The following MPDZ variants were observed in gnomAD, a reference collection of about 807,000 sequenced individuals.
The protein encoded by MPDZ is multiple PDZ domain crumbs cell polarity complex component.
MPDZ carries 234 observed loss-of-function variants against 239.1 expected under a neutral mutation model. The ratio of observed to expected loss-of-function variants is 0.98; its 90% CI spans 0.88 to 1.09. The LOEUF (loss-of-function observed/expected upper bound fraction) is 1.09, where lower values mean the gene tolerates loss of function less well. Among genes scored for constraint, MPDZ ranks in the 50% least tolerant of loss-of-function variants. The probability of loss-of-function intolerance (pLI) is 0.00; values close to 1 mark genes in which losing one functional copy is unlikely to be tolerated. For missense variants in MPDZ, 3,175 were observed against 2,510.0 expected (o/e 1.26, Z -5.66); for synonymous variants, 1,048 against 881.3 (o/e 1.19, Z -3.35).
At chr9:13,212,343 G>A (rs1323915548) in intron 10 of MPDZ, among the ~76,000 whole-genome samples, 1 of 151,948 alleles carries the variant, frequency 6.6e-6, no homozygotes, top group African/African-American at 2.4e-5. Flanking sequence ...ACCTTCATCT[G>A]TATTATGGAA....
At chr9:13,240,535 A>G (rs2137292289) in intron 3 of MPDZ, among the ~76,000 whole-genome samples, 1 of 149,548 alleles carries the variant, frequency 6.7e-6, no homozygotes, top group Non-Finnish European at 1.5e-5. Flanking sequence ...TTTGTTCATT[A>G]ACACAGAGAA....
chr9:13,112,775 G>T (rs1942708758), intron 42 of MPDZ, among the ~76,000 whole-genome samples: 1 of 152,060 alleles, frequency 6.6e-6, no homozygotes, highest in Non-Finnish European at 1.5e-5. Flanking sequence ...TTTTGTGTGG[G>T]GTCAATTTTA....
intron 27 of MPDZ, among the ~76,000 whole-genome samples, chr9:13,141,597 T>C (rs550942235): frequency 1.2e-3 from 179 of 152,318 alleles, no homozygotes; most frequent in Non-Finnish European, 2.2e-3. Flanking sequence ...AAAAATATTA[T>C]GATTTTTTTT....
chr9:13,164,797 A>G (rs1181744016), intron 22 of MPDZ, among the ~76,000 whole-genome samples: 1 of 152,198 alleles, frequency 6.6e-6, no homozygotes, highest in Non-Finnish European at 1.5e-5. Flanking sequence ...TGAGGCCACC[A>G]GAACAAGCAT....
At position 13,193,314 on chromosome 9, in the gene MPDZ, CT is replaced by C; in HGVS notation, c.1657-2del. The C allele has an allele frequency of 6.4e-7, 1 of 1,573,586 alleles. No individual in the cohort carries two copies. Among genetic ancestry groups the C allele is most frequent in the Admixed American group, 1.9e-5 (1 of 52,456 alleles). On this transcript the variant is annotated splice_acceptor_variant, in intron 13 of 46. Coordinates refer to ENST00000319217, the MANE Select transcript of MPDZ (RefSeq NM_001378778.1). LOFTEE classifies it high-confidence loss of function. The stretch of plus-strand genomic sequence containing the variant: ...CACTAAACTTGCTCACATGGGCCAC[CT>C]GAAAAGAAAAAAAAAAAGATCACCA...
intron 45 of MPDZ, among the ~76,000 whole-genome samples, chr9:13,109,573 G>T (rs1363732912): frequency 6.6e-6 from 1 of 152,050 alleles, no homozygotes; most frequent in Non-Finnish European, 1.5e-5. Context: ...AATTTTTTCA[G>T]TCCAAATGAT....
In MPDZ at chr9:13,179,989, G is replaced by A. The variant is rs112924258; in HGVS notation, c.2649+3429C>T. Among the ~76,000 whole-genome samples, 681 of 152,156 alleles carry A rather than the reference G, an allele frequency of 4.5e-3. 3 individuals carry two copies. Among genetic ancestry groups the A allele is most frequent in the African/African-American group, 0.016 (657 of 41,522 alleles). On this transcript the variant is annotated intron_variant, in intron 19 of 46. Coordinates refer to ENST00000319217, the MANE Select transcript of MPDZ (RefSeq NM_001378778.1). ...ACTGTCCTTCTCCCACTCTTTCTGA[G>A]ATAAGGTACACTTCCTTTATTGTTT...
chr9:13,160,088 G>A (rs554329485), intron 23 of MPDZ, among the ~76,000 whole-genome samples: 2 of 152,290 alleles, frequency 1.3e-5, no homozygotes, highest in Admixed American at 1.3e-4. Context: ...CAGCATAGGT[G>A]AGATTTGGAT....
At chr9:13,251,128 C>CAAAAAA (rs150252589) in intron 1 of MPDZ, among the ~76,000 whole-genome samples, 15 of 36,252 alleles carry the variant, frequency 4.1e-4, no homozygotes, top group Admixed American at 1.1e-3. Flanking sequence ...GACTCCATCT[C>CAAAAAA]AAAAAAAAAA....
intron 31 of MPDZ, 153 bp downstream of exon 31, chr9:13,135,939 C>G: frequency 1.9e-6 from 1 of 537,018 alleles, no homozygotes; most frequent in African/African-American, 1.9e-5. Flanking sequence ...CCATGAGTGT[C>G]TTCTTATACT....
intron 6 of MPDZ, among the ~76,000 whole-genome samples, chr9:13,221,949 G>C (rs1006380705): frequency 2.0e-5 from 3 of 152,020 alleles, no homozygotes; most frequent in Admixed American, 6.6e-5. Flanking sequence ...AATCAAGCTT[G>C]TATCTGTCTA....
At chr9:13,144,231 A>G (rs1948137675) in intron 26 of MPDZ, among the ~76,000 whole-genome samples, 1 of 152,002 alleles carries the variant, frequency 6.6e-6, no homozygotes, top group South Asian at 2.1e-4. Context: ...TAAATTTCCT[A>G]TAAAATTGCC....
chr9:13,146,498 C>T lies in MPDZ; in HGVS notation c.3741+1050G>A, dbSNP rs111843221. 5.1e-3 allele frequency among the ~76,000 whole-genome samples: 769 copies of T among 152,062 alleles called. 10 individuals carry two copies. The highest frequency in any genetic ancestry group is 0.017 in the African/African-American group (719 of 41,500). On this transcript the variant is annotated intron_variant, in intron 26 of 46. Transcript: ENST00000319217. ...AAAATTAAATATTTTAAGTTTTAGA[C>T]GATGCGTTCAACTTCCCTCACATAT...
chr9:13,176,360 G>C lies in MPDZ; in HGVS notation c.2707C>G (p.Leu903Val). ...CTTTGCAGGAGATTCTGGGTATATA[G>C]TTCCTCCAGAGACATATGCAGATCA... ...VLDLHMSLEE[L>V]YTQNLLQRQD... Residue 903 changes from leucine to valine, a missense_variant, in exon 20 of 47, where the codon CTA becomes GTA. By Grantham distance (32) the Leu-to-Val change is conservative (BLOSUM62 1). Coordinates refer to ENST00000319217, the MANE Select transcript of MPDZ (RefSeq NM_001378778.1). 1 of 1,606,212 alleles carries C rather than the reference G, an allele frequency of 6.2e-7. No homozygotes were observed. The highest frequency in any genetic ancestry group is 8.5e-7 in the Non-Finnish European group (1 of 1,175,884).
chr9:13,188,355 T>C (rs528443972), intron 17 of MPDZ, among the ~76,000 whole-genome samples: 1 of 152,114 alleles, frequency 6.6e-6, no homozygotes, highest in Non-Finnish European at 1.5e-5. Context: ...CCGTCTCCAC[T>C]AAAAATACAA....
chr9:13,174,407 G>C (rs1952192748), intron 21 of MPDZ, among the ~76,000 whole-genome samples: 1 of 152,120 alleles, frequency 6.6e-6, no homozygotes, highest in South Asian at 2.1e-4. Flanking sequence ...TCTCAGATAG[G>C]CTTTGCAAAA....
intron 1 of MPDZ, among the ~76,000 whole-genome samples, chr9:13,274,014 C>T (rs1973604439): frequency 1.3e-5 from 2 of 152,190 alleles, no homozygotes; most frequent in Non-Finnish European, 2.9e-5. Flanking sequence ...TCAACAGCTG[C>T]TCTATCCATT....
At position 13,112,027 on chromosome 9, in the gene MPDZ, G is replaced by A; in HGVS notation, c.5721C>T (p.Leu1907=). The change falls in exon 43 of 47, where the codon CTC becomes CTT. Residue 1907 remains leucine (L), a synonymous_variant. Transcript: ENST00000319217. ...PTGVAAQTQK[L]RVGDRIVTIC... The stretch of plus-strand genomic sequence containing the variant: ...TAGGGTTGATAGTACGACTCACTCT[G>A]AGTTTTTGGGTCTGTGCTGCAACTC... The A allele has an allele frequency of 6.2e-7, 1 of 1,613,334 alleles. No individual in the cohort carries two copies. The highest frequency in any genetic ancestry group is 8.5e-7 in the Non-Finnish European group (1 of 1,179,432).
At chr9:13,149,547 C>T (rs955335671) in intron 25 of MPDZ, among the ~76,000 whole-genome samples, 2 of 151,988 alleles carry the variant, frequency 1.3e-5, no homozygotes, top group South Asian at 2.1e-4. Flanking sequence ...ATGCTTATCC[C>T]AATGAAATAA....
Sources: gnomAD v4.1 joint callset for allele counts (sites outside exome capture counted in the v4.1 genomes callset) on GRCh38, gnomAD v4.1.1 for gene constraint, MANE v1.5 for transcripts, NCBI Gene and HGNC (gene_info 2026-07-23, HGNC 2026-07-21) for gene names.